Variants in SHTN1 observed in about 807,000 individuals in gnomAD.
The protein encoded by SHTN1 is shootin-1.
In SHTN1, 42 loss-of-function variants were observed where a neutral mutation model predicts 83.1. The ratio of observed to expected loss-of-function variants is 0.51; its 90% confidence interval spans 0.39 to 0.65. The LOEUF (loss-of-function observed/expected upper bound fraction) is 0.65, where lower values mean the gene tolerates loss of function less well. SHTN1 is among the 30% of genes least tolerant of loss of function. The pLI is 0.00. For synonymous variants in SHTN1, 224 were observed against 247.7 expected (o/e 0.90, Z 0.90); for missense variants, 622 against 737.8 (o/e 0.84, Z 1.82).
At chr10:117,098,345 C>T (rs996475186) in intron 1 of SHTN1, among the ~76,000 whole-genome samples, 2 of 149,184 alleles carry the variant, frequency 1.3e-5, no homozygotes, top group East Asian at 3.9e-4. Context: ...TGCAGTGCGC[C>T]GACATCGCGC....
At chr10:117,085,574 C>CA (rs1853337873) in intron 1 of SHTN1, among the ~76,000 whole-genome samples, 1 of 152,156 alleles carries the variant, frequency 6.6e-6, no homozygotes, top group African/African-American at 2.4e-5. Context: ...TTCATGTGAG[C>CA]TCAAAAAGAT....
At chr10:116,957,701 T>C (rs949879926) in intron 4 of SHTN1, among the ~76,000 whole-genome samples, 47 of 151,970 alleles carry the variant, frequency 3.1e-4, no homozygotes, top group African/African-American at 1.1e-3. Context: ...CTTAAATAAC[T>C]GGTCCACATT....
chr10:117,083,282 C>T (rs1853299639), intron 1 of SHTN1, among the ~76,000 whole-genome samples: 1 of 143,896 alleles, frequency 6.9e-6, no homozygotes, highest in South Asian at 2.5e-4. Context: ...TTTTATTTCT[C>T]CTTCACTTAT....
chr10:116,923,987 T>C (rs1176425019), intron 11 of SHTN1, among the ~76,000 whole-genome samples: 1 of 152,094 alleles, frequency 6.6e-6, no homozygotes, highest in African/African-American at 2.4e-5. Flanking sequence ...TAAAGCATAG[T>C]AAAAAGAAAA....
chr10:116,993,183 T>G (rs562499476), intron 1 of SHTN1, among the ~76,000 whole-genome samples: 191 of 151,696 alleles, frequency 1.3e-3, no homozygotes, highest in African/African-American at 4.5e-3. Context: ...ACCCGGCTAA[T>G]TTTTTGTATT....
intron 16 of SHTN1, among the ~76,000 whole-genome samples, chr10:116,897,553 G>A (rs1397278697): frequency 6.6e-6 from 1 of 152,132 alleles, no homozygotes; most frequent in African/African-American, 2.4e-5. Context: ...AAAAACCCAG[G>A]GGTCTAGTAT....
chr10:116,982,107 A>G (rs1258637104), intron 1 of SHTN1, among the ~76,000 whole-genome samples: 1 of 152,170 alleles, frequency 6.6e-6, no homozygotes, highest in African/African-American at 2.4e-5. Context: ...TATTGACATT[A>G]AGAAATTTTT....
At chr10:116,949,897 T>C (rs1447421252) in intron 6 of SHTN1, among the ~76,000 whole-genome samples, 1 of 152,104 alleles carries the variant, frequency 6.6e-6, no homozygotes, top group East Asian at 1.9e-4. Flanking sequence ...TAAAGCTACA[T>C]ATATCAAGGT....
At chr10:117,043,548 GAA>G (rs1244923876) in intron 2 of SHTN1, among the ~76,000 whole-genome samples, 2 of 152,110 alleles carry the variant, frequency 1.3e-5, no homozygotes, top group Non-Finnish European at 2.9e-5. Flanking sequence ...ACTCAATAAA[GAA>G]GAGAGGGAGG....
At chr10:117,031,388 T>A (rs1852411131) in intron 2 of SHTN1, among the ~76,000 whole-genome samples, 1 of 152,210 alleles carries the variant, frequency 6.6e-6, no homozygotes, top group Non-Finnish European at 1.5e-5. Flanking sequence ...AGTATGTTAA[T>A]GAGCAATAAG....
chr10:117,010,559 A>C (rs966132627), upstream of SHTN1, among the ~76,000 whole-genome samples: 1 of 152,130 alleles, frequency 6.6e-6, no homozygotes, highest in African/African-American at 2.4e-5. Context: ...AAAGGAGAGA[A>C]CACTTCCTAA....
intron 15 of SHTN1, among the ~76,000 whole-genome samples, chr10:116,906,277 G>A (rs2531689): frequency 0.57 from 86,212 of 152,134 alleles, 28,582 homozygotes; most frequent in Non-Finnish European, 0.74. Context: ...TGGTATACAA[G>A]AGAACTAGGA....
At chr10:116,919,096 GA>G (rs1848467189) in intron 12 of SHTN1, among the ~76,000 whole-genome samples, 2 of 152,158 alleles carry the variant, frequency 1.3e-5, no homozygotes, top group African/African-American at 4.8e-5. Context: ...GCTAACCTAA[GA>G]AAGAAAACAC....
At chr10:116,918,966 T>C (rs917364655) in intron 12 of SHTN1, among the ~76,000 whole-genome samples, 1 of 152,150 alleles carries the variant, frequency 6.6e-6, no homozygotes, top group African/African-American at 2.4e-5. Flanking sequence ...AAACTATCTA[T>C]AAAATATTAT....
At chr10:117,065,994 G>C (rs1442400935) in intron 1 of SHTN1, among the ~76,000 whole-genome samples, 1 of 151,384 alleles carries the variant, frequency 6.6e-6, no homozygotes, top group African/African-American at 2.4e-5. Context: ...GAGGCCAGGA[G>C]TTTGAGGTTT....
chr10:117,115,408 C>T (rs1017184252), intron 1 of SHTN1, among the ~76,000 whole-genome samples: 18 of 152,280 alleles, frequency 1.2e-4, no homozygotes, highest in African/African-American at 4.3e-4. Context: ...GTAATGGCAC[C>T]TGTCATCAGC....
At chr10:117,045,955 A>G (rs1852656493) in intron 2 of SHTN1, among the ~76,000 whole-genome samples, 1 of 152,196 alleles carries the variant, frequency 6.6e-6, no homozygotes, top group African/African-American at 2.4e-5. Flanking sequence ...AAAATGCTAG[A>G]AATAAAAAAT....
At chr10:116,897,921 C>A (rs1230800317) in intron 16 of SHTN1, among the ~76,000 whole-genome samples, 1 of 152,160 alleles carries the variant, frequency 6.6e-6, no homozygotes, top group African/African-American at 2.4e-5. Flanking sequence ...CGTCTACAGG[C>A]TTTTATTGAT....
chr10:117,103,147 T>C (rs1853619200), intron 1 of SHTN1, among the ~76,000 whole-genome samples: 1 of 152,170 alleles, frequency 6.6e-6, no homozygotes, highest in African/African-American at 2.4e-5. Context: ...TGGAGTGCAG[T>C]GGCAAGATCT....
Sources: allele counts gnomAD v4.1 joint callset (sites outside exome capture counted in the v4.1 genomes callset), GRCh38; gene constraint gnomAD v4.1.1; transcripts MANE v1.5; gene names NCBI Gene and HGNC (gene_info 2026-07-23, HGNC 2026-07-21).